SPIRE1: variants seen among roughly 807,000 people sequenced by gnomAD.
SPIRE1 encodes protein spire homolog 1.
SPIRE1 carries 40 observed loss-of-function variants against 94.1 expected under a neutral mutation model. That is an observed-to-expected ratio of 0.43 (90% CI 0.33 to 0.55). The LOEUF is 0.55. SPIRE1 is among the 20% of genes least tolerant of loss of function. SPIRE1 has a pLI of 0.06. For missense variants in SPIRE1, 838 were observed against 975.2 expected (o/e 0.86, Z 1.87); for synonymous variants, 376 against 371.7 (o/e 1.01, Z -0.13).
intron 1 of SPIRE1, among the ~76,000 whole-genome samples, chr18:12,655,830 C>T (rs139278052): frequency 3.9e-5 from 6 of 152,316 alleles, no homozygotes; most frequent in African/African-American, 9.6e-5. Context: ...CCACTACCAA[C>T]GCTGCTTCTA....
At position 12,459,896 on chromosome 18, in the gene SPIRE1, C is replaced by A; in HGVS notation, c.1638+3455G>T. On this transcript the variant is annotated intron_variant, in intron 12 of 16. Coordinates refer to ENST00000409402, the MANE Select transcript of SPIRE1 (RefSeq NM_001128626.2). ...TGGTAGAAAAAAGTGGTCGAAAAGG[C>A]GTCCTTGGCCATACACTGGTTATCC... 3.0e-6 allele frequency: 3 copies of A among 985,804 alleles called. No individual in the cohort carries two copies. The South Asian group carries it at 1.4e-4, about 46-fold the overall frequency. 61.1% of individuals were successfully genotyped at this position (985,804 alleles called of 1,614,324 possible).
intron 2 of SPIRE1, among the ~76,000 whole-genome samples, chr18:12,625,603 T>C (rs930606428): frequency 6.6e-6 from 1 of 152,260 alleles, no homozygotes; most frequent in Non-Finnish European, 1.5e-5. Flanking sequence ...ATACTATTTC[T>C]CAGTCACATA....
chr18:12,623,203 G>A (rs1251761941), intron 2 of SPIRE1, among the ~76,000 whole-genome samples: 2 of 151,866 alleles, frequency 1.3e-5, no homozygotes, highest in Non-Finnish European at 2.9e-5. Context: ...GCCCAGGCTG[G>A]AGTGCAGTGG....
chr18:12,605,276 T>C (rs2036942433), intron 2 of SPIRE1, among the ~76,000 whole-genome samples: 1 of 150,494 alleles, frequency 6.6e-6, no homozygotes, highest in South Asian at 2.1e-4. Context: ...CCCAGCACTT[T>C]GGGAGGCCGA....
chr18:12,604,560 T>C (rs1465348883), intron 2 of SPIRE1, among the ~76,000 whole-genome samples: 6 of 152,166 alleles, frequency 3.9e-5, no homozygotes, highest in Non-Finnish European at 7.3e-5. Context: ...CTAATATATA[T>C]CTGAGTTGAC....
At chr18:12,552,968 T>C (rs554875504) in intron 2 of SPIRE1, among the ~76,000 whole-genome samples, 2 of 152,278 alleles carry the variant, frequency 1.3e-5, no homozygotes, top group Admixed American at 1.3e-4. Context: ...AGGTATACCC[T>C]GGGGCAGAAA....
chr18:12,528,929 A>T (rs541503429), intron 4 of SPIRE1, among the ~76,000 whole-genome samples: 1 of 152,230 alleles, frequency 6.6e-6, no homozygotes, highest in African/African-American at 2.4e-5. Context: ...ACACTGGGAT[A>T]TAACAGTGAA....
At chr18:12,547,936 C>CAAACAAACA (rs568589837) in intron 2 of SPIRE1, among the ~76,000 whole-genome samples, 1 of 141,618 alleles carries the variant, frequency 7.1e-6, no homozygotes, top group African/African-American at 2.5e-5. Context: ...AACAAACAAA[C>CAAACAAACA]AACAACAACA....
intron 2 of SPIRE1, among the ~76,000 whole-genome samples, chr18:12,591,477 G>C (rs921137984): frequency 6.6e-6 from 1 of 152,120 alleles, no homozygotes; most frequent in Admixed American, 6.6e-5. Flanking sequence ...GACACATGAC[G>C]TTACATGACA....
chr18:12,500,351 A>G (rs1437831534), intron 6 of SPIRE1, among the ~76,000 whole-genome samples: 1 of 152,248 alleles, frequency 6.6e-6, no homozygotes, highest in Non-Finnish European at 1.5e-5. Flanking sequence ...TCACAAGCAC[A>G]TGAAAACATA....
At position 12,449,710 on chromosome 18, in the gene SPIRE1, C is replaced by A. The variant is rs774067125; in HGVS notation, c.2199G>T (p.Thr733=). ...CTGGCGAGGACATGTAGAAAGACTG[C>A]GTTTTCCTTTTCAATCGGGCCCTTT... ...ANKRARLKRK[T]QSFYMSSPGP... The change falls in exon 17 of 17, where the codon ACG becomes ACT. Residue 733 remains threonine, a synonymous_variant. Transcript: ENST00000409402. The A allele has an allele frequency of 3.1e-6, 5 of 1,613,994 alleles. No homozygotes were observed. Among genetic ancestry groups the A allele is most frequent in the Admixed American group, 1.7e-5 (1 of 59,998 alleles).
intron 10 of SPIRE1, among the ~76,000 whole-genome samples, chr18:12,478,336 ACGCATGCATGTGT>A (rs2032686997): frequency 7.2e-6 from 1 of 139,836 alleles, no homozygotes; most frequent in African/African-American, 2.7e-5. Flanking sequence ...GTGTGTGTGC[ACGCATGCATGTGT>A]AGCTAGGGGA....
intron 1 of SPIRE1, chr18:12,656,634 G>C (rs751484921): frequency 1.0e-5 from 9 of 864,058 alleles, no homozygotes; most frequent in Non-Finnish European, 1.1e-5. Context: ...GTTTTTCTAT[G>C]TTTTTAATAG....
intron 2 of SPIRE1, among the ~76,000 whole-genome samples, chr18:12,611,933 C>T (rs1431543255): frequency 6.6e-6 from 1 of 152,144 alleles, no homozygotes; most frequent in Non-Finnish European, 1.5e-5. Context: ...CTCCGCCTCC[C>T]AAAGTGCTGA....
chr18:12,616,664 G>A (rs559920239), intron 2 of SPIRE1, among the ~76,000 whole-genome samples: 2 of 152,244 alleles, frequency 1.3e-5, no homozygotes, highest in East Asian at 1.9e-4. Context: ...GTGCGAAGGC[G>A]GAGCCCTGCC....
intron 6 of SPIRE1, among the ~76,000 whole-genome samples, chr18:12,501,646 T>C (rs1411481452): frequency 6.6e-6 from 1 of 152,190 alleles, no homozygotes; most frequent in Admixed American, 6.5e-5. Flanking sequence ...CCTCCCAAAG[T>C]GTTGGGATTA....
chr18:12,597,720 C>T (rs1449201695), intron 2 of SPIRE1, among the ~76,000 whole-genome samples: 2 of 152,178 alleles, frequency 1.3e-5, no homozygotes, highest in African/African-American at 2.4e-5. Flanking sequence ...ATACGGTCTC[C>T]GCTGTTTTTT....
chr18:12,546,902 G>T lies in SPIRE1; in HGVS notation c.375C>A (p.Val125=). 2.5e-6 allele frequency: 4 copies of T among 1,607,900 alleles called. No individual in the cohort carries two copies. In the South Asian group the frequency reaches 3.3e-5, roughly 13 times the overall value. Residue 125 remains valine, a splice_region_variant and synonymous_variant, in exon 3 of 17, where the codon GTC becomes GTA. Transcript: ENST00000409402. ...AAATAATAATTCCCAAAGATTCAAT[G>T]ACCTAGGAACATTTAAAAAAGTGGT... ...LGYSQCMETE[V]IESLGIIIYK... is the part of the protein sequence containing the mutation.
At chr18:12,565,435 T>C (rs932378845) in intron 2 of SPIRE1, among the ~76,000 whole-genome samples, 1 of 152,026 alleles carries the variant, frequency 6.6e-6, no homozygotes, top group African/African-American at 2.4e-5. Flanking sequence ...AGTGCAGTGG[T>C]GCAATCACAG....
Sources: gnomAD v4.1 joint callset for allele counts (sites outside exome capture counted in the v4.1 genomes callset) on GRCh38, gnomAD v4.1.1 for gene constraint, MANE v1.5 for transcripts, NCBI Gene and HGNC (gene_info 2026-07-23, HGNC 2026-07-21) for gene names.